ARFGEF3: variants seen among roughly 807,000 people sequenced by gnomAD.
The protein encoded by ARFGEF3 is ARFGEF family member 3.
ARFGEF3 carries 96 observed loss-of-function variants against 221.7 expected under a neutral mutation model. The observed-to-expected ratio is 0.43, with a 90% confidence interval of 0.37 to 0.51. The LOEUF is 0.51. Ranked by LOEUF, ARFGEF3 falls within the 20% of genes least tolerant of loss-of-function variation. The probability of loss-of-function intolerance (pLI) is 0.00; values close to 1 mark genes in which losing one functional copy is unlikely to be tolerated. For synonymous variants in ARFGEF3, 1,145 were observed against 1,126.8 expected (o/e 1.02, Z -0.32); for missense variants, 2,410 against 2,789.9 (o/e 0.86, Z 3.07).
chr6:138,209,082 T>C (rs1452621035), intron 3 of ARFGEF3, among the ~76,000 whole-genome samples: 1 of 152,208 alleles, frequency 6.6e-6, no homozygotes, highest in African/African-American at 2.4e-5. Flanking sequence ...CTCATAACAA[T>C]GAATGTCTTC....
At chr6:138,298,562 G>T in intron 21 of ARFGEF3, 44 bp from the exon 22 acceptor site, 1 of 1,538,852 alleles carries the variant, frequency 6.5e-7, no homozygotes. Flanking sequence ...CATTCTCACT[G>T]TCTGCTGTCC....
At chr6:138,299,199 A>G (rs979089721) in intron 22 of ARFGEF3, among the ~76,000 whole-genome samples, 2 of 61,502 alleles carry the variant, frequency 3.3e-5, no homozygotes, top group Non-Finnish European at 5.8e-5. Flanking sequence ...GAGACTCTGT[A>G]AAAAAAAAAA....
intron 4 of ARFGEF3, among the ~76,000 whole-genome samples, chr6:138,221,534 T>C (rs1777982370): frequency 6.6e-6 from 1 of 152,128 alleles, no homozygotes; most frequent in Non-Finnish European, 1.5e-5. Context: ...TAGAAATAGA[T>C]TTGTGAGTCC....
chr6:138,202,090 T>C (rs1777547436), intron 2 of ARFGEF3, among the ~76,000 whole-genome samples: 1 of 152,196 alleles, frequency 6.6e-6, no homozygotes, highest in African/African-American at 2.4e-5. Context: ...AATAATGGCA[T>C]GTCAGGACAT....
chr6:138,213,748 T>C (rs753622806), intron 4 of ARFGEF3, among the ~76,000 whole-genome samples: 16 of 152,020 alleles, frequency 1.1e-4, no homozygotes, highest in Non-Finnish European at 2.2e-4. Context: ...ATTTAAATAT[T>C]AGGATTGGGG....
At chr6:138,234,475 C>CGTGTGTGTGT (rs10642229) in intron 5 of ARFGEF3, among the ~76,000 whole-genome samples, 1 of 148,090 alleles carries the variant, frequency 6.8e-6, no homozygotes. Flanking sequence ...CAGTTCACCC[C>CGTGTGTGTGT]GTGTGTGTGT....
rs143006362 is a variant in ARFGEF3 at position 138,334,939 on chromosome 6, G to A, written c.6093G>A (p.Lys2031=). The A allele has an allele frequency of 6.3e-7, 1 of 1,589,370 alleles. No homozygotes were observed. The highest frequency in any genetic ancestry group is 1.3e-5 in the African/African-American group (1 of 74,414). The part of the protein sequence containing the change: ...TISKLMTEYK[K]RKQQHNLSAF... ...CAAAGTTGATGACCGAATACAAAAA[G>A]AGGAAACAGCAGCACAACCTGTCCG... Residue 2031 remains lysine, a synonymous_variant, in exon 33 of 34, where the codon AAG becomes AAA. Coordinates refer to ENST00000251691, the MANE Select transcript of ARFGEF3 (RefSeq NM_020340.5). This position sits in a 1 kb window ranked among gnomAD's most constrained non-coding sequence, Gnocchi z 5.1.
At chr6:138,185,423 T>C (rs1201535237) in intron 2 of ARFGEF3, among the ~76,000 whole-genome samples, 6 of 152,034 alleles carry the variant, frequency 3.9e-5, no homozygotes, top group African/African-American at 1.4e-4. Flanking sequence ...TGATGCACCC[T>C]CCCTAAAGGA....
chr6:138,253,106 G>A (rs1778608717), intron 8 of ARFGEF3, among the ~76,000 whole-genome samples: 1 of 152,152 alleles, frequency 6.6e-6, no homozygotes, highest in Non-Finnish European at 1.5e-5. Context: ...AGATAATGTG[G>A]TAAATGGTCT....
At chr6:138,199,742 C>A (rs1157262257) in intron 2 of ARFGEF3, among the ~76,000 whole-genome samples, 1 of 152,182 alleles carries the variant, frequency 6.6e-6, no homozygotes, top group East Asian at 1.9e-4. Context: ...AGAAACTTTG[C>A]TGAATTCTTT....
chr6:138,164,267 C>A (rs1038144398), intron 1 of ARFGEF3, among the ~76,000 whole-genome samples: 1 of 152,184 alleles, frequency 6.6e-6, no homozygotes, highest in Non-Finnish European at 1.5e-5. Flanking sequence ...CCTCAGAATG[C>A]TCTTCAGAAT....
intron 2 of ARFGEF3, among the ~76,000 whole-genome samples, chr6:138,199,501 T>G (rs1777494484): frequency 6.6e-6 from 1 of 152,234 alleles, no homozygotes; most frequent in Non-Finnish European, 1.5e-5. Flanking sequence ...ATTCTACCCA[T>G]CCATGAGCAT....
intron 12 of ARFGEF3, among the ~76,000 whole-genome samples, chr6:138,275,248 G>C (rs1779076038): frequency 6.6e-6 from 1 of 152,160 alleles, no homozygotes; most frequent in South Asian, 2.1e-4. Flanking sequence ...CCCCTGCCTT[G>C]TTTCATAAGG....
At chr6:138,308,570 G>C (rs945590902) in intron 23 of ARFGEF3, among the ~76,000 whole-genome samples, 169 bp from the exon 24 acceptor site, 32 of 152,102 alleles carry the variant, frequency 2.1e-4, no homozygotes, top group Admixed American at 3.3e-4. Flanking sequence ...CGGCAGAGCT[G>C]AGCACCATGC....
chr6:138,297,030 G>T, intron 21 of ARFGEF3, 75 bp downstream of exon 21: 2 of 1,497,384 alleles, frequency 1.3e-6, no homozygotes, highest in Non-Finnish European at 1.8e-6. Context: ...GGGGCCTGCA[G>T]TCATGTATGG....
chr6:138,192,226 C>T (rs1349166327), intron 2 of ARFGEF3, among the ~76,000 whole-genome samples: 11 of 152,142 alleles, frequency 7.2e-5, no homozygotes, highest in Non-Finnish European at 1.0e-4. Flanking sequence ...AGGTGGTTCA[C>T]GCCTGTAATC....
intron 4 of ARFGEF3, among the ~76,000 whole-genome samples, chr6:138,213,806 AAG>A (rs1448624244): frequency 2.0e-5 from 3 of 152,112 alleles, no homozygotes; most frequent in Non-Finnish European, 4.4e-5. Context: ...TAATTTTTTG[AAG>A]TATACTTTTT....
At chr6:138,264,114 G>A (rs1778841406) in intron 12 of ARFGEF3, among the ~76,000 whole-genome samples, 1 of 152,158 alleles carries the variant, frequency 6.6e-6, no homozygotes, top group African/African-American at 2.4e-5. Context: ...GCTTGGTAAC[G>A]TTGCATTCTC....
At chr6:138,323,939 G>A (rs919217176) in intron 30 of ARFGEF3, 84 bp from the exon 31 acceptor site, 1 of 1,575,562 alleles carries the variant, frequency 6.3e-7, no homozygotes, top group Non-Finnish European at 8.6e-7. Flanking sequence ...TTTTGTCTCA[G>A]ACACAGTGAC....
Sources: gnomAD v4.1 joint callset for allele counts (sites outside exome capture counted in the v4.1 genomes callset) on GRCh38, gnomAD v4.1.1 for gene constraint, Gnocchi (gnomAD v3.1) non-coding constraint, MANE v1.5 for transcripts, NCBI Gene and HGNC (gene_info 2026-07-23, HGNC 2026-07-21) for gene names.